The following AGBL1 variants were observed in gnomAD, a reference collection of about 807,000 sequenced individuals.
AGBL1 encodes the protein cytosolic carboxypeptidase 4.
Under a neutral mutation model 118.9 loss-of-function variants are expected in AGBL1, and 130 were observed. The ratio of observed to expected loss-of-function variants is 1.09; its 90% CI spans 0.95 to 1.26. AGBL1 has a LOEUF of 1.26. Ranked by LOEUF, AGBL1 falls within the 50% of genes most tolerant of loss-of-function variation. The pLI, the probability that AGBL1 is intolerant of heterozygous loss-of-function variation, is 0.00. For synonymous variants in AGBL1, 555 were observed against 478.9 expected, an observed-to-expected ratio of 1.16 and a Z score of -2.08; for missense variants, 1,584 against 1,298.1, an observed-to-expected ratio of 1.22 and a Z score of -3.38.
In AGBL1 at chr15:86,742,348, C is replaced by T. The variant is rs548938118; in HGVS notation, c.3158+67912C>T. ...ATGAAACAATGCCCTCTGCTTTTGTCGAGTCCCTTTGTCAAGAAATATATG... is the reference window on the plus strand; with the variant it reads ...ATGAAACAATGCCCTCTGCTTTTGTTGAGTCCCTTTGTCAAGAAATATATG... On this transcript the variant is annotated intron_variant, in intron 22 of 22. Transcript: ENST00000614907. Among the ~76,000 whole-genome samples, 6 of 152,232 alleles carry T rather than the reference C, an allele frequency of 3.9e-5. No individual in the cohort carries two copies. In the South Asian group the frequency reaches 6.2e-4, roughly 16 times the overall value.
intron 22 of AGBL1, among the ~76,000 whole-genome samples, chr15:86,687,983 T>C (rs2086091969): frequency 6.6e-6 from 1 of 152,038 alleles, no homozygotes; most frequent in Admixed American, 6.6e-5. Context: ...AACACAGAGA[T>C]TTTGTCTTCC....
chr15:86,193,769 AT>A (rs2077758005), intron 5 of AGBL1, among the ~76,000 whole-genome samples: 1 of 152,138 alleles, frequency 6.6e-6, no homozygotes, highest in East Asian at 1.9e-4. Context: ...CTTTAGTCAA[AT>A]TTTGGAGGCT....
At chr15:86,163,001 A>G (rs1381515681) in intron 5 of AGBL1, among the ~76,000 whole-genome samples, 1 of 152,202 alleles carries the variant, frequency 6.6e-6, no homozygotes, top group Non-Finnish European at 1.5e-5. Context: ...CATGCATTCT[A>G]TTGGACTCTG....
At chr15:86,266,515 G>A (rs1315237468) in intron 12 of AGBL1, 58 bp downstream of exon 12, 2 of 1,230,194 alleles carry the variant, frequency 1.6e-6, no homozygotes, top group African/African-American at 1.5e-5. Flanking sequence ...TTAATGGCAT[G>A]AGAATAGACA....
Position 86,785,516 on chromosome 15 carries a change from A to G in AGBL1, c.3158+111080A>G, listed in dbSNP as rs2078398679. On this transcript the variant is annotated intron_variant, in intron 22 of 22. Coordinates refer to ENST00000614907, the MANE Select transcript of AGBL1 (RefSeq NM_001386094.1). ...CAGCCTCCCAAGTAGCTAGGACTAC[A>G]GGCGCACATCACCACTAATTTTTGT... 5.3e-5 allele frequency among the ~76,000 whole-genome samples: 8 copies of G among 152,054 alleles called. No homozygotes were observed. In the South Asian group the frequency reaches 1.7e-3, roughly 32 times the overall value.
chr15:86,465,901 G>A (rs989950268), intron 18 of AGBL1, among the ~76,000 whole-genome samples: 22 of 152,158 alleles, frequency 1.4e-4, no homozygotes, highest in African/African-American at 5.1e-4. Flanking sequence ...TTTGAAGCAT[G>A]TGATCTCTGT....
intron 18 of AGBL1, among the ~76,000 whole-genome samples, chr15:86,429,209 A>G (rs1224439882): frequency 6.6e-6 from 1 of 152,230 alleles, no homozygotes. Context: ...TCCGGATGGC[A>G]AGAAAACAAA....
At chr15:86,236,939 G>GGGGGGGGGA (rs2078556254) in intron 6 of AGBL1, among the ~76,000 whole-genome samples, 1 of 68,590 alleles carries the variant, frequency 1.5e-5, no homozygotes, top group Non-Finnish European at 3.0e-5. Context: ...GGGCGGGGGG[G>GGGGGGGGGA]GGCGGGGGGG....
At chr15:86,816,238 A>G (rs1308960633) in intron 22 of AGBL1, among the ~76,000 whole-genome samples, 1 of 152,232 alleles carries the variant, frequency 6.6e-6, no homozygotes, top group Non-Finnish European at 1.5e-5. Flanking sequence ...CTTATTCACA[A>G]AGGTAAAAGG....
At chr15:86,368,873 C>A (rs1403768301) in intron 17 of AGBL1, among the ~76,000 whole-genome samples, 2 of 152,058 alleles carry the variant, frequency 1.3e-5, no homozygotes, top group Non-Finnish European at 2.9e-5. Flanking sequence ...TAAAGATTAA[C>A]CCACACTTAG....
At chr15:86,152,819 G>C (rs1288484124) in intron 3 of AGBL1, among the ~76,000 whole-genome samples, 1 of 151,304 alleles carries the variant, frequency 6.6e-6, no homozygotes, top group South Asian at 2.1e-4. Flanking sequence ...ATTTACAAGA[G>C]AAAAACAACC....
At chr15:86,425,273 G>A (rs889710459) in intron 18 of AGBL1, among the ~76,000 whole-genome samples, 1 of 151,894 alleles carries the variant, frequency 6.6e-6, no homozygotes, top group African/African-American at 2.4e-5. Context: ...ATCTTTCTCA[G>A]CAAACTAACA....
At chr15:86,192,786 G>GAAATTT (rs2077743669) in intron 5 of AGBL1, among the ~76,000 whole-genome samples, 1 of 152,060 alleles carries the variant, frequency 6.6e-6, no homozygotes, top group Admixed American at 6.6e-5. Context: ...GAAAAAATTT[G>GAAATTT]GAATTCATAA....
In AGBL1 at chr15:86,141,919, A is replaced by G. The variant is rs552957715; in HGVS notation, c.52-85A>G. The G allele has an allele frequency of 1.4e-5, 18 of 1,309,352 alleles. 1 individual carries two copies. In the African/African-American group the frequency reaches 2.6e-4, roughly 19 times the overall value. The allele number at this position is 1,309,352 out of a possible 1,614,324, so 81.1% of individuals were successfully genotyped here. A position where few individuals can be genotyped will look rare whatever the true frequency, so the allele number is the denominator to read the frequency against. ...AATCTTTCTCCATGACAGGAAGTAGAGCTCTGCCATTCCATGTACATCCCT... is the reference window on the plus strand; with the variant it reads ...AATCTTTCTCCATGACAGGAAGTAGGGCTCTGCCATTCCATGTACATCCCT... On this transcript the variant is annotated intron_variant, in intron 1 of 22. Coordinates refer to ENST00000614907, the MANE Select transcript of AGBL1 (RefSeq NM_001386094.1).
intron 6 of AGBL1, among the ~76,000 whole-genome samples, chr15:86,241,062 T>C (rs1030260055): frequency 6.6e-6 from 1 of 152,180 alleles, no homozygotes; most frequent in Non-Finnish European, 1.5e-5. Context: ...TGGCACCTGG[T>C]ATAAAATGGG....
chr15:86,783,631 T>C (rs1332604335), intron 22 of AGBL1, among the ~76,000 whole-genome samples: 1 of 152,162 alleles, frequency 6.6e-6, no homozygotes, highest in Non-Finnish European at 1.5e-5. Context: ...CTAACCCATT[T>C]TTATTTGTAT....
At chr15:86,940,104 TC>T in intron 23 of AGBL1, among the ~76,000 whole-genome samples, 1 of 140,282 alleles carries the variant, frequency 7.1e-6, no homozygotes, top group Non-Finnish European at 1.5e-5. Flanking sequence ...AGACGGGGTT[TC>T]TCTGTGTTGC....
intron 17 of AGBL1, among the ~76,000 whole-genome samples, chr15:86,361,587 T>C (rs568695649): frequency 1.4e-4 from 22 of 152,188 alleles, no homozygotes; most frequent in South Asian, 1.0e-3. Context: ...TATTTTCTTA[T>C]TTAGATCTGT....
At chr15:86,876,327 A>T (rs1318666766) in intron 22 of AGBL1, among the ~76,000 whole-genome samples, 6 of 152,070 alleles carry the variant, frequency 3.9e-5, no homozygotes, top group Non-Finnish European at 8.8e-5. Context: ...ATGAATAGAG[A>T]GGGCCTTAGA....
Sources: allele counts gnomAD v4.1 joint callset (sites outside exome capture counted in the v4.1 genomes callset), GRCh38; gene constraint gnomAD v4.1.1; transcripts MANE v1.5; gene names NCBI Gene and HGNC (gene_info 2026-07-23, HGNC 2026-07-21).